Variants in XYLB observed in about 807,000 individuals in gnomAD.
XYLB encodes xylulose kinase.
A neutral mutation model predicts 78.7 loss-of-function variants in XYLB; 62 were observed. The ratio of observed to expected loss-of-function variants is 0.79; its 90% confidence interval spans 0.64 to 0.97. The LOEUF (loss-of-function observed/expected upper bound fraction) is 0.97, where lower values mean the gene tolerates loss of function less well. Ranked by LOEUF, XYLB falls within the 50% of genes least tolerant of loss-of-function variation. XYLB has a pLI of 0.00. For synonymous variants in XYLB, 245 were observed against 247.4 expected (o/e 0.99, Z 0.09); for missense variants, 687 against 676.8 (o/e 1.02, Z -0.17).
At chr3:38,358,438 G>C (rs1242911546) in intron 2 of XYLB, among the ~76,000 whole-genome samples, 1 of 149,160 alleles carries the variant, frequency 6.7e-6, no homozygotes, top group Admixed American at 6.8e-5. Flanking sequence ...TCCGCCTCCT[G>C]GGTTCAAACA....
the XYLB span, among the ~76,000 whole-genome samples, chr3:38,436,738 TCA>T: frequency 6.6e-6 from 1 of 152,058 alleles, no homozygotes; most frequent in Non-Finnish European, 1.5e-5. Flanking sequence ...GTGTGGTGGC[TCA>T]CACCTGTAAT....
chr3:38,372,540 T>G (rs1706622641), intron 9 of XYLB, 115 bp from the exon 10 acceptor site: 2 of 1,559,796 alleles, frequency 1.3e-6, no homozygotes, highest in Non-Finnish European at 1.7e-6. Flanking sequence ...AAAGATTCCT[T>G]CAGGTCTGGT....
At chr3:38,440,054 G>A in the XYLB span, among the ~76,000 whole-genome samples, 3 of 152,174 alleles carry the variant, frequency 2.0e-5, no homozygotes, top group African/African-American at 7.2e-5. Flanking sequence ...GGATAGTAAA[G>A]TAGATAAACT....
the XYLB span, among the ~76,000 whole-genome samples, chr3:38,437,854 G>A: frequency 3.3e-5 from 5 of 152,094 alleles, no homozygotes; most frequent in Admixed American, 1.3e-4. Flanking sequence ...GGTGGATCAC[G>A]AGGTCAGGAG....
At chr3:38,366,944 A>C in intron 7 of XYLB, 71 bp downstream of exon 7, 1 of 1,063,662 alleles carries the variant, frequency 9.4e-7, no homozygotes, top group Non-Finnish European at 1.4e-6. Flanking sequence ...GAATAGATAC[A>C]TCTTACGTGC....
At chr3:38,384,043 G>T (rs934924852) in intron 15 of XYLB, among the ~76,000 whole-genome samples, 2 of 151,850 alleles carry the variant, frequency 1.3e-5, no homozygotes, top group African/African-American at 2.4e-5. Flanking sequence ...TGTTTTTTTT[G>T]TTTGTTTGTT....
intron 7 of XYLB, among the ~76,000 whole-genome samples, chr3:38,367,724 C>G (rs1252896354): frequency 1.3e-5 from 2 of 152,180 alleles, no homozygotes; most frequent in South Asian, 2.1e-4. Flanking sequence ...CTGGCTAGTG[C>G]TCAGGGTCTG....
rs143000233 is a variant in XYLB, at chr3:38,357,686, T to C, written c.141-2653T>C. The stretch of plus-strand genomic sequence containing the variant: ...CAGGCGTGAGCCACCGCATCCTTGC[T>C]TAACATTTATTATTGACTGTCTTTT... On this transcript the variant is annotated intron_variant, in intron 2 of 18. Coordinates refer to ENST00000207870, the MANE Select transcript of XYLB (RefSeq NM_005108.4). Among the ~76,000 whole-genome samples the C allele has an allele frequency of 8.6e-3, 1,313 of 152,300 alleles. 20 individuals are homozygous for C. The highest frequency in any genetic ancestry group is 0.028 in the African/African-American group (1,171 of 41,572).
downstream of XYLB, among the ~76,000 whole-genome samples, chr3:38,422,774 G>A (rs1057027745): frequency 1.3e-5 from 2 of 152,014 alleles, no homozygotes; most frequent in Admixed American, 6.6e-5. Context: ...TGTGATACAA[G>A]AGATGGGGTA....
chr3:38,436,682 A>G, the XYLB span, among the ~76,000 whole-genome samples: 1 of 152,182 alleles, frequency 6.6e-6, no homozygotes, highest in Non-Finnish European at 1.5e-5. Context: ...AAATACTAGC[A>G]AACCAAATCC....
Position 38,348,694 on chromosome 3 carries a change from C to T in XYLB, c.140+62C>T, listed in dbSNP as rs1291475766. 11 of 1,503,904 alleles carry T rather than the reference C, an allele frequency of 7.3e-6. No homozygotes were observed. The African/African-American group carries it at 1.5e-4, about 21-fold the overall frequency. 93.2% of individuals were successfully genotyped at this position (1,503,904 alleles called of 1,614,324 possible). A position where few individuals can be genotyped will look rare whatever the true frequency, so the allele number is the denominator to read the frequency against. ...GTTGGTTTTGGGGTCCTCCCGCAAA[C>T]TTTTGTATTCGCAGACCGCACTGTT... On this transcript the variant is annotated intron_variant, in intron 2 of 18. Transcript: ENST00000207870.
the XYLB span, among the ~76,000 whole-genome samples, chr3:38,434,446 C>T: frequency 1.3e-5 from 2 of 152,188 alleles, no homozygotes; most frequent in Non-Finnish European, 2.9e-5. Flanking sequence ...AAAATGTCAA[C>T]AGCCAAAAAT....
At chr3:38,407,440 TAAAGACC>T (rs1170390524) in intron 18 of XYLB, among the ~76,000 whole-genome samples, 1 of 152,182 alleles carries the variant, frequency 6.6e-6, no homozygotes, top group Non-Finnish European at 1.5e-5. Context: ...TGCCAAATTG[TAAAGACC>T]ATCGAGGCTA....
At chr3:38,349,513 G>T (rs1228027242) in intron 2 of XYLB, among the ~76,000 whole-genome samples, 1 of 152,218 alleles carries the variant, frequency 6.6e-6, no homozygotes, top group African/African-American at 2.4e-5. Context: ...TGAAATGATG[G>T]ATAGGAGAGA....
At chr3:38,447,183 C>T in the XYLB span, among the ~76,000 whole-genome samples, 1 of 148,998 alleles carries the variant, frequency 6.7e-6, no homozygotes, top group East Asian at 2.0e-4. Flanking sequence ...CTCAATGTCA[C>T]TTATCATCAG....
chr3:38,375,208 G>A lies in XYLB; in HGVS notation c.953G>A (p.Gly318Asp). ...CAAGAGCCCATGCCTGCCCTGGAAG[G>A]CCACATCTTCTGCAACCCGGTTGAC... ...WLQEPMPALE[G>D]HIFCNPVDSQ... The change falls in exon 12 of 19, where the codon GGC (glycine) becomes GAC (aspartate). Residue 318 changes from glycine (G) to aspartate (D), a missense_variant. Physicochemically the swap from Gly to Asp is moderately conservative, Grantham distance 94. Transcript: ENST00000207870. 1.9e-6 allele frequency: 3 copies of A among 1,614,186 alleles called. No homozygotes were observed. The highest frequency in any genetic ancestry group is 2.5e-6 in the Non-Finnish European group (3 of 1,180,034).
chr3:38,387,989 TTGAA>T (rs145718832), intron 15 of XYLB, among the ~76,000 whole-genome samples: 4,282 of 152,194 alleles, frequency 0.028, 188 homozygotes, highest in African/African-American at 0.096. Context: ...TTAATTTTGT[TTGAA>T]TGCTGTACGT....
At chr3:38,364,254 C>T (rs1266850833) in intron 4 of XYLB, among the ~76,000 whole-genome samples, 2 of 151,992 alleles carry the variant, frequency 1.3e-5, no homozygotes, top group Non-Finnish European at 2.9e-5. Flanking sequence ...AGGGTCCTCA[C>T]GTCCCACTGA....
At chr3:38,375,350 A>G (rs1706798262) in intron 12 of XYLB, 91 bp downstream of exon 12, 2 of 1,113,868 alleles carry the variant, frequency 1.8e-6, no homozygotes, top group Non-Finnish European at 2.7e-6. Flanking sequence ...CATTCCACTA[A>G]GCTCTGGAAT....
Sources: allele counts gnomAD v4.1 joint callset (sites outside exome capture counted in the v4.1 genomes callset), GRCh38; gene constraint gnomAD v4.1.1; transcripts MANE v1.5; gene names NCBI Gene and HGNC (gene_info 2026-07-23, HGNC 2026-07-21).